KATNAL1: variants seen among roughly 807,000 people sequenced by gnomAD.
KATNAL1 encodes the protein katanin catalytic subunit A1 like 1, also known as katanin p60 ATPase-containing subunit A-like 1.
A neutral mutation model predicts 55.2 loss-of-function variants in KATNAL1; 32 were observed. The ratio of observed to expected loss-of-function variants is 0.58; its 90% CI spans 0.44 to 0.78. KATNAL1 has a LOEUF of 0.78. Among genes scored for constraint, KATNAL1 ranks in the 30% least tolerant of loss-of-function variants. KATNAL1 has a pLI of 0.00. For synonymous variants in KATNAL1, 193 were observed against 193.6 expected (o/e 1.00, Z 0.02); for missense variants, 466 against 600.9 (o/e 0.78, Z 2.35).
chr13:30,299,981 A>T (rs904279728), intron 1 of KATNAL1, among the ~76,000 whole-genome samples: 40 of 93,628 alleles, frequency 4.3e-4, no homozygotes, highest in Admixed American at 1.9e-3. Flanking sequence ...ATCACCCACA[A>T]CACACACACA....
chr13:30,304,775 C>T (rs1375772168), intron 1 of KATNAL1, among the ~76,000 whole-genome samples: 1 of 152,166 alleles, frequency 6.6e-6, no homozygotes, highest in Non-Finnish European at 1.5e-5. Flanking sequence ...AACAAATGCT[C>T]AAAACTCAAC....
chr13:30,294,381 G>A (rs1048827248), intron 1 of KATNAL1, among the ~76,000 whole-genome samples: 15 of 152,238 alleles, frequency 9.9e-5, no homozygotes, highest in African/African-American at 3.6e-4. Flanking sequence ...TGGAGAAAGT[G>A]TGAGTGGTCT....
intron 1 of KATNAL1, among the ~76,000 whole-genome samples, chr13:30,287,194 G>A (rs1265015838): frequency 6.6e-6 from 1 of 152,132 alleles, no homozygotes; most frequent in Admixed American, 6.6e-5. Flanking sequence ...ATTTGGGAAG[G>A]GCCACAGGCA....
rs1294772667 is a variant in KATNAL1 at position 30,207,119 on chromosome 13, G to C, written c.*1421C>G. The stretch of plus-strand genomic sequence containing the variant: ...TATTATTTTTAGTTTTAAACCAGTA[G>C]GCACTATTCGAAACTGAGAATTCAG... On this transcript the variant is annotated 3_prime_UTR_variant, in exon 11 of 11. Transcript: ENST00000380615. 1 of 152,112 alleles carries C rather than the reference G, an allele frequency of 6.6e-6. No homozygotes were observed. Among genetic ancestry groups the C allele is most frequent in the Admixed American group, 6.5e-5 (1 of 15,284 alleles). The allele number at this position is 152,112 out of a possible 1,614,324, so 9.4% of individuals were successfully genotyped here.
chr13:30,275,179 C>T (rs903764518), intron 3 of KATNAL1, among the ~76,000 whole-genome samples: 27 of 152,126 alleles, frequency 1.8e-4, no homozygotes, highest in Admixed American at 6.5e-5. Context: ...AAGCACAACA[C>T]CAACATCTGC....
intron 3 of KATNAL1, among the ~76,000 whole-genome samples, chr13:30,264,622 A>C (rs1879593401): frequency 6.7e-6 from 1 of 149,292 alleles, no homozygotes; most frequent in Non-Finnish European, 1.5e-5. Flanking sequence ...ACATGAAAAA[A>C]TGCTCATCAT....
In KATNAL1 at chr13:30,203,117, G is replaced by A. The variant is rs796351273; in HGVS notation, c.*5423C>T. On this transcript the variant is annotated 3_prime_UTR_variant, in exon 11 of 11. Coordinates refer to ENST00000380615, the MANE Select transcript of KATNAL1 (RefSeq NM_032116.5). Reference sequence around the variant, plus strand: ...GATGTGTGTTATGTTTGGAACTGCTGCTTTGAATGCAATACATCCAAATAA... The same window carrying A: ...GATGTGTGTTATGTTTGGAACTGCTACTTTGAATGCAATACATCCAAATAA... The A allele has an allele frequency of 3.3e-5, 5 of 152,320 alleles. No homozygotes were observed. The highest frequency in any genetic ancestry group is 1.2e-4 in the African/African-American group (5 of 41,562). The allele number at this position is 152,320 out of a possible 1,614,324, so 9.4% of individuals were successfully genotyped here.
chr13:30,288,029 G>A (rs971896522), intron 1 of KATNAL1, among the ~76,000 whole-genome samples: 1 of 152,142 alleles, frequency 6.6e-6, no homozygotes, highest in Admixed American at 6.5e-5. Flanking sequence ...GTTGACTAAG[G>A]AGAAGAATGA....
Position 30,230,433 on chromosome 13 carries a change from T to TG in KATNAL1, c.1012+34dup, listed in dbSNP as rs1210164040. The TG allele has an allele frequency of 1.9e-6, 3 of 1,585,728 alleles. No individual in the cohort carries two copies. In the African/African-American group the frequency reaches 4.1e-5, roughly 21 times the overall value. On this transcript the variant is annotated intron_variant, in intron 8 of 10. Coordinates refer to ENST00000380615, the MANE Select transcript of KATNAL1 (RefSeq NM_032116.5). ...TGAGTTTACACAAAATATTTAAAAA[T>TG]GAGAGTTTTGAAACAATAATTAAAT...
intron 4 of KATNAL1, among the ~76,000 whole-genome samples, chr13:30,241,359 C>T (rs1355950837): frequency 6.6e-6 from 1 of 152,148 alleles, no homozygotes; most frequent in African/African-American, 2.4e-5. Flanking sequence ...TCCCAAAAGA[C>T]TGGGAAAGCC....
intron 6 of KATNAL1, among the ~76,000 whole-genome samples, chr13:30,235,973 A>T (rs373547017): frequency 2.6e-5 from 4 of 152,340 alleles, no homozygotes; most frequent in South Asian, 4.1e-4. Flanking sequence ...GAAAAAAGAA[A>T]ACATTATTAA....
At chr13:30,298,068 G>A (rs1468332742) in intron 1 of KATNAL1, among the ~76,000 whole-genome samples, 1 of 152,156 alleles carries the variant, frequency 6.6e-6, no homozygotes. Flanking sequence ...ACATTTTTTA[G>A]ACGTAATGTT....
At chr13:30,274,907 G>GCGCGCGCACACACA (rs869107567) in intron 3 of KATNAL1, among the ~76,000 whole-genome samples, 19 of 105,388 alleles carry the variant, frequency 1.8e-4, no homozygotes, top group African/African-American at 2.4e-4. Flanking sequence ...GCGCGCGCGC[G>GCGCGCGCACACACA]CACACACACA....
chr13:30,281,131 AAAAAAAG>A (rs1162620162), intron 2 of KATNAL1, among the ~76,000 whole-genome samples: 4 of 148,318 alleles, frequency 2.7e-5, no homozygotes, highest in African/African-American at 7.6e-5. Context: ...TCAAAAAAAA[AAAAAAAG>A]AAAAGAAAAG....
chr13:30,279,624 C>CT (rs1881121710), intron 3 of KATNAL1, among the ~76,000 whole-genome samples: 1 of 152,164 alleles, frequency 6.6e-6, no homozygotes, highest in African/African-American at 2.4e-5. Context: ...TAATAAGCCT[C>CT]TTAAACATTA....
intron 6 of KATNAL1, among the ~76,000 whole-genome samples, chr13:30,238,180 C>T (rs995266461): frequency 2.0e-5 from 3 of 152,184 alleles, no homozygotes; most frequent in Admixed American, 6.5e-5. Context: ...CTGGGAAATA[C>T]AATCTGGCCT....
intron 3 of KATNAL1, among the ~76,000 whole-genome samples, chr13:30,262,561 C>G (rs1413926606): frequency 6.6e-6 from 1 of 152,158 alleles, no homozygotes; most frequent in African/African-American, 2.4e-5. Flanking sequence ...CACAGAAATA[C>G]AAACTACCAT....
chr13:30,208,448 G>T lies in KATNAL1; in HGVS notation c.*92C>A. On this transcript the variant is annotated 3_prime_UTR_variant, in exon 11 of 11. Coordinates refer to ENST00000380615, the MANE Select transcript of KATNAL1 (RefSeq NM_032116.5). The stretch of plus-strand genomic sequence containing the variant: ...TCCTTTAAGCGAAAACCACTCCACT[G>T]AAAAAAATTCCAAACTTGTTTTTTA... 1 of 1,164,646 alleles carries T rather than the reference G, an allele frequency of 8.6e-7. No homozygotes were observed. Among genetic ancestry groups the T allele is most frequent in the Non-Finnish European group, 1.2e-6 (1 of 847,140 alleles). The allele number at this position is 1,164,646 out of a possible 1,614,324, so 72.1% of individuals were successfully genotyped here.
intron 3 of KATNAL1, among the ~76,000 whole-genome samples, chr13:30,268,013 T>C (rs551404921): frequency 1.3e-5 from 2 of 152,272 alleles, no homozygotes; most frequent in African/African-American, 2.4e-5. Flanking sequence ...TAAAAGTACA[T>C]TTTTCTACTT....
Sources: gnomAD v4.1 joint callset for allele counts (sites outside exome capture counted in the v4.1 genomes callset) on GRCh38, gnomAD v4.1.1 for gene constraint, MANE v1.5 for transcripts, NCBI Gene and HGNC (gene_info 2026-07-23, HGNC 2026-07-21) for gene names.